EPAS1: variants seen among roughly 807,000 people sequenced by gnomAD.
EPAS1 encodes endothelial PAS domain-containing protein 1.
A neutral mutation model predicts 87.9 loss-of-function variants in EPAS1; 23 were observed. The ratio of observed to expected loss-of-function variants is 0.26; its 90% CI spans 0.19 to 0.37. The LOEUF is 0.37. Ranked by LOEUF, EPAS1 falls within the 10% of genes least tolerant of loss-of-function variation. EPAS1 has a pLI of 1.00. For synonymous variants in EPAS1, 508 were observed against 444.3 expected, an observed-to-expected ratio of 1.14 and a Z score of -1.80; for missense variants, 1,138 against 1,120.7, an observed-to-expected ratio of 1.02 and a Z score of -0.22.
intron 7 of EPAS1, among the ~76,000 whole-genome samples, chr2:46,374,412 A>G (rs1008151514): frequency 6.6e-6 from 1 of 152,204 alleles, no homozygotes; most frequent in Non-Finnish European, 1.5e-5. Context: ...TTCCTATACA[A>G]AATTTGTTGG....
rs947715376 is a variant in EPAS1 at position 46,375,393 on chromosome 2, G to A, written c.887-297G>A. 6.6e-6 allele frequency among the ~76,000 whole-genome samples: 1 copy of A among 152,116 alleles called. No individual in the cohort carries two copies. The highest frequency in any genetic ancestry group is 6.5e-5 in the Admixed American group (1 of 15,278). On this transcript the variant is annotated intron_variant, in intron 7 of 15. Transcript: ENST00000263734. The surrounding 1 kb of genome is among the most constrained non-coding windows in gnomAD (Gnocchi z 4.1). Reference sequence around the variant, plus strand: ...CTGGTCTGTGAGCCTGACTTGTCCAGGGATTGGTGATGGGCCACTGCAAAG... The same window carrying A: ...CTGGTCTGTGAGCCTGACTTGTCCAAGGATTGGTGATGGGCCACTGCAAAG...
chr2:46,373,157 T>C (rs1684663300), intron 7 of EPAS1, among the ~76,000 whole-genome samples: 1 of 152,150 alleles, frequency 6.6e-6, no homozygotes, highest in Admixed American at 6.5e-5. Context: ...AAAATACTTA[T>C]CCTCCCTGTG....
At chr2:46,341,982 C>T (rs552245042) in intron 1 of EPAS1, among the ~76,000 whole-genome samples, 6 of 152,278 alleles carry the variant, frequency 3.9e-5, no homozygotes, top group East Asian at 1.9e-4. Flanking sequence ...TGCCTCCCCC[C>T]ACCACACACA....
chr2:46,375,010 C>T lies in EPAS1; in HGVS notation c.887-680C>T, dbSNP rs912421981. On this transcript the variant is annotated intron_variant, in intron 7 of 15. Coordinates refer to ENST00000263734, the MANE Select transcript of EPAS1 (RefSeq NM_001430.5). The surrounding 1 kb of genome is among the most constrained non-coding windows in gnomAD (Gnocchi z 4.1). Reference sequence around the variant, plus strand: ...GGCTGCCAGGGTCCCAGCTCTTTCTCAGCCCCAACTGAGAAAGGGTGGGGT... The same window carrying T: ...GGCTGCCAGGGTCCCAGCTCTTTCTTAGCCCCAACTGAGAAAGGGTGGGGT... Among the ~76,000 whole-genome samples, 2 of 152,094 alleles carry T rather than the reference C, an allele frequency of 1.3e-5. No individual in the cohort carries two copies. Among genetic ancestry groups the T allele is most frequent in the Non-Finnish European group, 2.9e-5 (2 of 68,022 alleles).
At chr2:46,302,828 C>A (rs1197494345) in intron 1 of EPAS1, among the ~76,000 whole-genome samples, 1 of 151,124 alleles carries the variant, frequency 6.6e-6, no homozygotes, top group Non-Finnish European at 1.5e-5. Flanking sequence ...AATCCCAGCA[C>A]TTTGAGAGGC....
intron 6 of EPAS1, among the ~76,000 whole-genome samples, chr2:46,367,626 T>A (rs1029836764): frequency 1.3e-5 from 2 of 152,256 alleles, no homozygotes; most frequent in African/African-American, 4.8e-5. Flanking sequence ...GAGACCTCTC[T>A]GCTCAGGGCC....
chr2:46,382,101 C>T lies in EPAS1; in HGVS notation c.2287+12C>T. The T allele has an allele frequency of 6.2e-7, 1 of 1,612,266 alleles. No homozygotes were observed. The highest frequency in any genetic ancestry group is 1.7e-5 in the Admixed American group (1 of 59,958). Reference sequence around the variant, plus strand: ...AAATGTACCCAATGGTGAGCAGCGGCCACAGGCCTGGGCCTCCTGGGGGTT... The same window carrying T: ...AAATGTACCCAATGGTGAGCAGCGGTCACAGGCCTGGGCCTCCTGGGGGTT... On this transcript the variant is annotated intron_variant, in intron 14 of 15. Coordinates refer to ENST00000263734, the MANE Select transcript of EPAS1 (RefSeq NM_001430.5).
intron 2 of EPAS1, among the ~76,000 whole-genome samples, chr2:46,349,630 G>T (rs1684107943): frequency 6.6e-6 from 1 of 152,244 alleles, no homozygotes. Flanking sequence ...TCTACTTTTG[G>T]CCATGTGGTC....
In EPAS1 at chr2:46,347,540, T is replaced by C. The variant is rs1046083163; in HGVS notation, c.217+477T>C. On this transcript the variant is annotated intron_variant, in intron 2 of 15. Transcript: ENST00000263734. The surrounding 1 kb of genome is among the most constrained non-coding windows in gnomAD (Gnocchi z 4.2). The stretch of plus-strand genomic sequence containing the variant: ...GTAAATCATTTAGTCTCTCTGAACA[T>C]TGGTTTCCTCGTGTATAAAATGGGG... 4.4e-6 allele frequency: 1 copy of C among 229,878 alleles called. No homozygotes were observed. Among genetic ancestry groups the C allele is most frequent in the Non-Finnish European group, 8.8e-6 (1 of 114,040 alleles). 14.2% of individuals were successfully genotyped at this position (229,878 alleles called of 1,614,324 possible).
chr2:46,370,729 C>G (rs1273566917), intron 7 of EPAS1, among the ~76,000 whole-genome samples: 1 of 152,212 alleles, frequency 6.6e-6, no homozygotes, highest in Non-Finnish European at 1.5e-5. Context: ...CCACACTTGG[C>G]TTGTAGCTAC....
At chr2:46,369,697 C>A in intron 6 of EPAS1, 130 bp from the exon 7 acceptor site, 1 of 717,782 alleles carries the variant, frequency 1.4e-6, no homozygotes, top group Non-Finnish European at 2.5e-6. Context: ...CATGGTACAA[C>A]AAGAAAGTCT....
intron 1 of EPAS1, among the ~76,000 whole-genome samples, chr2:46,324,115 G>A (rs1683506943): frequency 6.6e-6 from 1 of 152,222 alleles, no homozygotes; most frequent in Admixed American, 6.5e-5. Context: ...AGCCCAGGCT[G>A]GAGTGCGGTG....
chr2:46,315,437 G>C (rs1421106345), intron 1 of EPAS1, among the ~76,000 whole-genome samples: 1 of 152,188 alleles, frequency 6.6e-6, no homozygotes, highest in Non-Finnish European at 1.5e-5. Context: ...TGAGACTTGG[G>C]TTTATCTGCC....
chr2:46,356,789 G>C lies in EPAS1; in HGVS notation c.435G>C (p.Glu145Asp). 6.2e-7 allele frequency: 1 copy of C among 1,613,592 alleles called. No individual in the cohort carries two copies. The change falls in exon 4 of 16, where the codon GAG (glutamate) becomes GAC (aspartate). Residue 145 changes from glutamate to aspartate, a missense_variant. Around this residue, in one of 4 missense-constraint regions of EPAS1, gnomAD observed 351 missense variants for 417.1 expected, o/e 0.84. Coordinates refer to ENST00000263734, the MANE Select transcript of EPAS1 (RefSeq NM_001430.5). Reference protein sequence around the residue: ...THPCDHEEIRENLSLKNGSGF... With the variant: ...THPCDHEEIRDNLSLKNGSGF... ...CCTGCGACCATGAGGAGATTCGTGA[G>C]AACCTGAGTCTCAAAAATGGTATCC...
chr2:46,314,479 A>G (rs1683274657), intron 1 of EPAS1, among the ~76,000 whole-genome samples: 1 of 152,320 alleles, frequency 6.6e-6, no homozygotes, highest in South Asian at 2.1e-4. Flanking sequence ...CTTTCTGTTC[A>G]GGAAAACGTC....
intron 7 of EPAS1, among the ~76,000 whole-genome samples, chr2:46,372,592 A>T (rs1276121724): frequency 1.3e-5 from 2 of 152,204 alleles, no homozygotes; most frequent in Non-Finnish European, 2.9e-5. Flanking sequence ...CCTTTGTTAT[A>T]TGAGGATATT....
chr2:46,384,359 G>C (rs566575552), intron 15 of EPAS1, 150 bp from the exon 16 acceptor site: 7 of 1,108,826 alleles, frequency 6.3e-6, no homozygotes, highest in Admixed American at 5.1e-5. Context: ...CACGTTCCCC[G>C]GGCATGCAGC....
At position 46,381,996 on chromosome 2, in the gene EPAS1, A is replaced by T; in HGVS notation, c.2194A>T (p.Thr732Ser). Reference protein sequence around the residue: ...LSGGDPPGGSTSHLMWKRMKN... With the variant: ...LSGGDPPGGSSSHLMWKRMKN... ...CCAGGGGGACCCACCTGGTGGCAGC[A>T]CCTCACATTTGATGTGGAAACGGAT... Residue 732 changes from threonine to serine, a missense_variant, in exon 14 of 16, where the codon ACC becomes TCC. Physicochemically the swap from Thr to Ser is moderately conservative, Grantham distance 58. Around this residue, in one of 4 missense-constraint regions of EPAS1, gnomAD observed 502 missense variants for 427.1 expected, o/e 1.18. Transcript: ENST00000263734. 6.2e-7 allele frequency: 1 copy of T among 1,600,682 alleles called. No individual in the cohort carries two copies. Among genetic ancestry groups the T allele is most frequent in the Non-Finnish European group, 8.5e-7 (1 of 1,172,272 alleles).
At position 46,380,421 on chromosome 2, in the gene EPAS1, C is replaced by G. The variant is rs751857000; in HGVS notation, c.1749C>G (p.Phe583Leu). ...CCCCTGTAGCCCCGCACAGTCCCTT[C>G]CTCCTGGACAAGTTTCAGCAGCAGC... ...PLAPVAPHSP[F>L]LLDKFQQQLE... is the part of the protein sequence containing the mutation. The change falls in exon 12 of 16, where the codon TTC becomes TTG. Residue 583 changes from phenylalanine (F) to leucine (L), a missense_variant. Around this residue, in one of 4 missense-constraint regions of EPAS1, gnomAD observed 502 missense variants for 427.1 expected, o/e 1.18. Transcript: ENST00000263734. This position sits in a 1 kb window ranked among gnomAD's most constrained non-coding sequence, Gnocchi z 4.4. 3.7e-6 allele frequency: 6 copies of G among 1,614,086 alleles called. No homozygotes were observed. The highest frequency in any genetic ancestry group is 1.7e-5 in the Admixed American group (1 of 60,004).
Sources: allele counts gnomAD v4.1 joint callset (sites outside exome capture counted in the v4.1 genomes callset), GRCh38; gene constraint gnomAD v4.1.1; regional missense constraint gnomAD v4.1.1; non-coding constraint Gnocchi (gnomAD v3.1); transcripts MANE v1.5; gene names NCBI Gene and HGNC (gene_info 2026-07-23, HGNC 2026-07-21).